DYM: variants seen among roughly 807,000 people sequenced by gnomAD.
The protein encoded by DYM is dyggve-Melchior-Clausen syndrome protein.
Under a neutral mutation model 93.1 loss-of-function variants are expected in DYM, and 78 were observed. That is an observed-to-expected ratio of 0.84 (90% CI 0.70 to 1.01). The LOEUF is 1.01. Ranked by LOEUF, DYM falls within the 50% of genes least tolerant of loss-of-function variation. DYM has a pLI of 0.00. For synonymous variants in DYM, 321 were observed against 319.7 expected, an observed-to-expected ratio of 1.00 and a Z score of -0.04; for missense variants, 789 against 845.0, an observed-to-expected ratio of 0.93 and a Z score of 0.82.
chr18:49,351,682 T>A (rs942500215), intron 6 of DYM, among the ~76,000 whole-genome samples: 2 of 152,080 alleles, frequency 1.3e-5, no homozygotes, highest in Non-Finnish European at 2.9e-5. Context: ...TGGAATATCT[T>A]CAAAACTCTA....
At chr18:49,267,311 C>T (rs890828248) in intron 11 of DYM, among the ~76,000 whole-genome samples, 1 of 151,948 alleles carries the variant, frequency 6.6e-6, no homozygotes, top group Non-Finnish European at 1.5e-5. Context: ...AAGTTCAAAA[C>T]TCAACCATAC....
At chr18:49,219,730 T>C (rs2093262301) in intron 13 of DYM, among the ~76,000 whole-genome samples, 2 of 151,996 alleles carry the variant, frequency 1.3e-5, no homozygotes, top group Admixed American at 1.3e-4. Flanking sequence ...AAACTCTCAA[T>C]AAATTAGGTA....
intron 13 of DYM, among the ~76,000 whole-genome samples, chr18:49,212,038 A>G (rs1296013689): frequency 6.6e-6 from 1 of 152,192 alleles, no homozygotes; most frequent in Non-Finnish European, 1.5e-5. Flanking sequence ...GTGGCTCCTG[A>G]TATGATCACA....
Position 49,257,276 on chromosome 18 carries a change from G to A in DYM, c.1366-172C>T, listed in dbSNP as rs1202679048. On this transcript the variant is annotated intron_variant, in intron 12 of 17. Coordinates refer to ENST00000675505, the MANE Select transcript of DYM (RefSeq NM_001353214.3). ...ATCCATAAAGCACTGAAAATTCAAA[G>A]TTTTTTCCACAACACAAAAAATGAT... is the stretch of plus-strand genomic sequence containing the variant. Among the ~76,000 whole-genome samples the A allele has an allele frequency of 3.3e-5, 5 of 152,134 alleles. No homozygotes were observed. The South Asian group carries it at 1.0e-3, about 32-fold the overall frequency.
intron 13 of DYM, among the ~76,000 whole-genome samples, chr18:49,240,161 T>A (rs577104314): frequency 1.3e-5 from 2 of 152,284 alleles, no homozygotes; most frequent in African/African-American, 4.8e-5. Flanking sequence ...AATTCAGAAA[T>A]AGTAGATATT....
At chr18:49,195,957 T>C (rs1188913835) in intron 14 of DYM, among the ~76,000 whole-genome samples, 1 of 115,110 alleles carries the variant, frequency 8.7e-6, no homozygotes, top group Non-Finnish European at 1.7e-5. Context: ...GGAGCCTCGC[T>C]CTGTTGCCCA....
At chr18:49,189,600 C>T (rs922364048) in intron 14 of DYM, among the ~76,000 whole-genome samples, 1 of 152,198 alleles carries the variant, frequency 6.6e-6, no homozygotes, top group Non-Finnish European at 1.5e-5. Flanking sequence ...CCAAAAGTCA[C>T]AGGCATAAGT....
intron 6 of DYM, among the ~76,000 whole-genome samples, chr18:49,358,662 A>C (rs1309327812): frequency 6.6e-6 from 1 of 152,186 alleles, no homozygotes. Flanking sequence ...TTCATAAGAA[A>C]GACCACAGAA....
chr18:49,134,952 C>A (rs2083693559), intron 15 of DYM, among the ~76,000 whole-genome samples: 1 of 151,944 alleles, frequency 6.6e-6, no homozygotes, highest in South Asian at 2.1e-4. Flanking sequence ...ACTAAAAATA[C>A]AACAAATTAG....
chr18:49,178,196 G>C (rs1245444496), intron 14 of DYM, among the ~76,000 whole-genome samples: 1 of 152,048 alleles, frequency 6.6e-6, no homozygotes, highest in African/African-American at 2.4e-5. Flanking sequence ...GGCTTCCTCA[G>C]TGAAAGCTTC....
intron 14 of DYM, chr18:49,206,002 T>TTTTC (rs2092466035): frequency 6.0e-6 from 1 of 168,048 alleles, no homozygotes; most frequent in African/African-American, 2.7e-5. Flanking sequence ...GTTTTTTTTT[T>TTTTC]GTTTTTTTGT....
chr18:49,251,031 T>A (rs1017440175), intron 13 of DYM, among the ~76,000 whole-genome samples: 1 of 152,218 alleles, frequency 6.6e-6, no homozygotes, highest in African/African-American at 2.4e-5. Flanking sequence ...CTCTGGCCTC[T>A]ACCCACTAGA....
At chr18:49,217,244 T>C (rs1219585884) in intron 13 of DYM, among the ~76,000 whole-genome samples, 1 of 152,156 alleles carries the variant, frequency 6.6e-6, no homozygotes, top group Non-Finnish European at 1.5e-5. Flanking sequence ...TCAAGAAATA[T>C]GGGACTATGT....
intron 2 of DYM, among the ~76,000 whole-genome samples, chr18:49,428,153 A>G (rs912182589): frequency 2.6e-5 from 4 of 152,112 alleles, no homozygotes; most frequent in African/African-American, 4.8e-5. Context: ...TGAATATTAC[A>G]TTCAGTGAAA....
chr18:49,363,060 T>C, intron 6 of DYM, 101 bp downstream of exon 6: 1 of 892,618 alleles, frequency 1.1e-6, no homozygotes, highest in Non-Finnish European at 1.9e-6. Context: ...AAGGCACACA[T>C]ATAAGTTCTA....
At chr18:49,288,684 G>T (rs1206847196) in intron 8 of DYM, among the ~76,000 whole-genome samples, 1 of 152,000 alleles carries the variant, frequency 6.6e-6, no homozygotes, top group African/African-American at 2.4e-5. Context: ...GGAGGCTGAG[G>T]CGGGAGAATC....
intron 2 of DYM, among the ~76,000 whole-genome samples, chr18:49,395,440 A>T (rs867049925): frequency 6.6e-6 from 1 of 151,902 alleles, no homozygotes; most frequent in Non-Finnish European, 1.5e-5. Flanking sequence ...GACCAGCCTG[A>T]CCAACATGGA....
chr18:49,181,170 A>T (rs1349679721), intron 14 of DYM, among the ~76,000 whole-genome samples: 1 of 152,190 alleles, frequency 6.6e-6, no homozygotes, highest in Non-Finnish European at 1.5e-5. Flanking sequence ...TGGGTATTTT[A>T]AACAAAAGAG....
At chr18:49,075,288 G>A (rs2077211724) in intron 17 of DYM, among the ~76,000 whole-genome samples, 1 of 152,150 alleles carries the variant, frequency 6.6e-6, no homozygotes, top group Non-Finnish European at 1.5e-5. Flanking sequence ...TTTGAGGGCC[G>A]AGTGTGCAGC....
Sources: allele counts gnomAD v4.1 joint callset (sites outside exome capture counted in the v4.1 genomes callset), GRCh38; gene constraint gnomAD v4.1.1; transcripts MANE v1.5; gene names NCBI Gene and HGNC (gene_info 2026-07-23, HGNC 2026-07-21).